NPAS1: variants seen among roughly 807,000 people sequenced by gnomAD.
The protein encoded by NPAS1 is neuronal PAS domain protein 1, also known as neuronal PAS domain-containing protein 1.
In NPAS1, 29 loss-of-function variants were observed where a neutral mutation model predicts 49.2. The ratio of observed to expected loss-of-function variants is 0.59; its 90% CI spans 0.44 to 0.80. NPAS1 has a LOEUF of 0.80. Ranked by LOEUF, NPAS1 falls within the 30% of genes least tolerant of loss-of-function variation. The pLI, the probability that NPAS1 is intolerant of heterozygous loss-of-function variation, is 0.00. For synonymous variants in NPAS1, 408 were observed against 380.4 expected (o/e 1.07, Z -0.84); for missense variants, 825 against 835.5 (o/e 0.99, Z 0.15).
Position 47,040,503 on chromosome 19 carries a change from T to G in NPAS1, c.1022T>G (p.Phe341Cys). The G allele has an allele frequency of 6.2e-7, 1 of 1,605,198 alleles. No homozygotes were observed. Among genetic ancestry groups the G allele is most frequent in the Non-Finnish European group, 8.5e-7 (1 of 1,176,390 alleles). ...CTGGTGGGCCGCAGCTGCTACCAGT[T>G]TGTCCACGGACAGGACGCCACGAGG... Reference protein sequence around the residue: ...SELVGRSCYQFVHGQDATRIR... With the variant: ...SELVGRSCYQCVHGQDATRIR... Residue 341 changes from phenylalanine (F) to cysteine (C), a missense_variant, in exon 9 of 12, where the codon TTT becomes TGT. By Grantham distance (205) the Phe-to-Cys change is radical (BLOSUM62 -2). Coordinates refer to ENST00000602212, the MANE Select transcript of NPAS1 (RefSeq NM_002517.4).
chr19:47,027,620 G>T (rs186843694), intron 3 of NPAS1, among the ~76,000 whole-genome samples: 2,199 of 33,678 alleles, frequency 0.065, 17 homozygotes, highest in East Asian at 0.093. Flanking sequence ...CTGGTCTCCC[G>T]TCTCTCTGCC....
chr19:47,040,873 A>C, intron 9 of NPAS1, 105 bp from the exon 10 acceptor site: 2 of 945,382 alleles, frequency 2.1e-6, no homozygotes, highest in Non-Finnish European at 3.0e-6. Flanking sequence ...CTCCCTGCCC[A>C]CTCCCCTGCT....
chr19:47,025,725 G>A (rs775680878), intron 3 of NPAS1, among the ~76,000 whole-genome samples: 5 of 151,796 alleles, frequency 3.3e-5, no homozygotes, highest in Admixed American at 6.6e-5. Context: ...ACAGGCACAC[G>A]CCACCACGCC....
rs530003004 is a variant in NPAS1 at position 47,024,955 on chromosome 19, G to A, written c.358+3108G>A. Among the ~76,000 whole-genome samples, 57 of 150,674 alleles carry A rather than the reference G, an allele frequency of 3.8e-4. 1 individual carries two copies. The South Asian group carries it at 0.011, about 30-fold the overall frequency. ...CTCCCGAGTAGCTGGGATTACAGGC[G>A]CCTGCCACCGCGCCTGGCTAATTTT... is the stretch of plus-strand genomic sequence containing the variant. On this transcript the variant is annotated intron_variant, in intron 3 of 11. Coordinates refer to ENST00000602212, the MANE Select transcript of NPAS1 (RefSeq NM_002517.4).
chr19:47,026,557 G>A (rs2056871886), intron 3 of NPAS1, among the ~76,000 whole-genome samples: 1 of 152,186 alleles, frequency 6.6e-6, no homozygotes, highest in Admixed American at 6.5e-5. Context: ...TCCAACCCCT[G>A]GGACTTGCTT....
chr19:47,023,129 CG>C (rs1327095847), intron 3 of NPAS1, among the ~76,000 whole-genome samples: 1 of 152,214 alleles, frequency 6.6e-6, no homozygotes, highest in Non-Finnish European at 1.5e-5. Flanking sequence ...TTAAATAATC[CG>C]GCTTCCCAGG....
chr19:47,036,713 A>AAT (rs1401793641), intron 6 of NPAS1, among the ~76,000 whole-genome samples: 1 of 117,782 alleles, frequency 8.5e-6, no homozygotes, highest in Non-Finnish European at 1.8e-5. Flanking sequence ...CTCTACTAAA[A>AAT]ATACAAAAAA....
intron 3 of NPAS1, among the ~76,000 whole-genome samples, chr19:47,027,162 C>T (rs2056876335): frequency 6.6e-6 from 1 of 152,186 alleles, no homozygotes; most frequent in Non-Finnish European, 1.5e-5. Flanking sequence ...GACGATGGGG[C>T]ATGTGAGGGA....
intron 5 of NPAS1, among the ~76,000 whole-genome samples, chr19:47,033,595 A>T (rs2056923383): frequency 6.6e-6 from 1 of 152,110 alleles, no homozygotes; most frequent in East Asian, 1.9e-4. Flanking sequence ...TCACTGAAAG[A>T]TCAGTTTGCC....
chr19:47,033,466 T>A (rs1428109837), intron 5 of NPAS1, among the ~76,000 whole-genome samples: 2 of 151,882 alleles, frequency 1.3e-5, no homozygotes, highest in Non-Finnish European at 2.9e-5. Flanking sequence ...TGTCTTGAAC[T>A]CTCAATCTCA....
At chr19:47,043,006 A>T (rs1270592944) in intron 11 of NPAS1, 102 bp downstream of exon 11, 2 of 883,346 alleles carry the variant, frequency 2.3e-6, no homozygotes, top group Non-Finnish European at 3.2e-6. Flanking sequence ...CCATTTATAT[A>T]CAATTAAAAT....
At chr19:47,036,507 CA>C (rs1484489304) in intron 6 of NPAS1, among the ~76,000 whole-genome samples, 1 of 152,132 alleles carries the variant, frequency 6.6e-6, no homozygotes, top group African/African-American at 2.4e-5. Context: ...TCGGGAGGCC[CA>C]GGGGGGCGGA....
intron 10 of NPAS1, among the ~76,000 whole-genome samples, chr19:47,041,439 G>A (rs2122546935): frequency 6.6e-6 from 1 of 152,014 alleles, no homozygotes; most frequent in African/African-American, 2.4e-5. Context: ...AGCCACGGCA[G>A]GCTCTTACCA....
chr19:47,033,962 T>C, intron 5 of NPAS1, among the ~76,000 whole-genome samples: 1 of 105,048 alleles, frequency 9.5e-6, no homozygotes, highest in African/African-American at 3.8e-5. Flanking sequence ...GACAACAAAG[T>C]GAGGCTATGC....
intron 10 of NPAS1, 31 bp downstream of exon 10, chr19:47,041,156 C>T (rs2057017737): frequency 2.0e-6 from 3 of 1,514,478 alleles, no homozygotes. Flanking sequence ...TCCTGCAGGG[C>T]ACTCAGGGCC....
intron 8 of NPAS1, 120 bp downstream of exon 8, chr19:47,039,684 G>A (rs900643102): frequency 7.4e-5 from 84 of 1,128,368 alleles, no homozygotes; most frequent in Middle Eastern, 5.0e-4. Context: ...CATGGGAGGC[G>A]GAACAGCAAT....
At chr19:47,026,811 C>T (rs937458069) in intron 3 of NPAS1, among the ~76,000 whole-genome samples, 5 of 133,818 alleles carry the variant, frequency 3.7e-5, no homozygotes, top group Non-Finnish European at 4.8e-5. Flanking sequence ...AAAAATTAGC[C>T]GGGCATGGTG....
intron 6 of NPAS1, among the ~76,000 whole-genome samples, chr19:47,038,515 CAAAA>C (rs397859991): frequency 5.8e-4 from 35 of 60,316 alleles, no homozygotes; most frequent in African/African-American, 1.2e-3. Context: ...GACTCCAGCT[CAAAA>C]AAAAAAAAAA....
rs1599889888 is a variant in NPAS1, at chr19:47,021,355, G to A, written c.122+186G>A. ...TCCCCTGCGTTCTGCTTCTAGTCCC[G>A]GTCCTCAGAATTCACGCCCAACATC... On this transcript the variant is annotated intron_variant, in intron 2 of 11. Coordinates refer to ENST00000602212, the MANE Select transcript of NPAS1 (RefSeq NM_002517.4). The surrounding 1 kb of genome is among the most constrained non-coding windows in gnomAD (Gnocchi z 5.7). Among the ~76,000 whole-genome samples the A allele has an allele frequency of 6.6e-6, 1 of 152,158 alleles. No homozygotes were observed. Among genetic ancestry groups the A allele is most frequent in the African/African-American group, 2.4e-5 (1 of 41,438 alleles).
Sources: allele counts gnomAD v4.1 joint callset (sites outside exome capture counted in the v4.1 genomes callset), GRCh38; gene constraint gnomAD v4.1.1; non-coding constraint Gnocchi (gnomAD v3.1); transcripts MANE v1.5; gene names NCBI Gene and HGNC (gene_info 2026-07-23, HGNC 2026-07-21).